UGT1A7: variants seen among roughly 807,000 people sequenced by gnomAD.
UGT1A7 encodes the protein UDP glucuronosyltransferase family 1 member A7.
A neutral mutation model predicts 45.6 loss-of-function variants in UGT1A7; 33 were observed. The observed-to-expected ratio is 0.72, with a 90% CI of 0.55 to 0.97. UGT1A7 has a LOEUF of 0.97. UGT1A7 is among the 50% of genes least tolerant of loss of function. The pLI, the probability that UGT1A7 is intolerant of heterozygous loss-of-function variation, is 0.00. For missense variants in UGT1A7, 684 were observed against 666.2 expected (o/e 1.03, Z -0.29); for synonymous variants, 274 against 250.6 (o/e 1.09, Z -0.88).
At chr2:233,690,017 C>A (rs2074971660) in intron 1 of UGT1A7, 1 of 439,614 alleles carries the variant, frequency 2.3e-6, no homozygotes, top group Non-Finnish European at 4.5e-6. Context: ...CATTTTGGAC[C>A]TTCCTCAAGA....
chr2:233,727,791 C>T (rs1410826393), intron 1 of UGT1A7, among the ~76,000 whole-genome samples: 1 of 152,234 alleles, frequency 6.6e-6, no homozygotes, highest in Non-Finnish European at 1.5e-5. Flanking sequence ...CTTCCATTCA[C>T]TGCCTGTCCC....
chr2:233,725,192 A>G lies in UGT1A7; in HGVS notation c.856-41842A>G, dbSNP rs1239126007. On this transcript the variant is annotated intron_variant, in intron 1 of 4. Coordinates refer to ENST00000373426, the MANE Select transcript of UGT1A7 (RefSeq NM_019077.3). ...GGAGACCGTGGGGAGAGGCAGAGGC[A>G]GAGGCAGAGGCAGAGGCAGAGGCAG... is the stretch of plus-strand genomic sequence containing the variant. Among the ~76,000 whole-genome samples, 60 of 84,600 alleles carry G rather than the reference A, an allele frequency of 7.1e-4. 1 individual carries two copies. The highest frequency in any genetic ancestry group is 0.011 in the Middle Eastern group (2 of 180). The allele number at this position is 84,600 out of a possible 152,430, so 55.5% of individuals were successfully genotyped here.
chr2:233,771,369 G>A (rs987787590), intron 4 of UGT1A7: 2 of 151,684 alleles, frequency 1.3e-5, no homozygotes, highest in African/African-American at 4.8e-5. Flanking sequence ...CACCTAACCC[G>A]TTTTGGATTG....
intron 1 of UGT1A7, among the ~76,000 whole-genome samples, chr2:233,757,279 A>C (rs1159492481): frequency 7.8e-6 from 1 of 127,878 alleles, no homozygotes; most frequent in Non-Finnish European, 1.6e-5. Flanking sequence ...GCAATGATTC[A>C]GAAGGGACAG....
chr2:233,699,054 A>T (rs561736764), intron 1 of UGT1A7, among the ~76,000 whole-genome samples: 1 of 152,280 alleles, frequency 6.6e-6, no homozygotes, highest in East Asian at 1.9e-4. Flanking sequence ...GAAACAACTT[A>T]TCCCAGCCCT....
intron 1 of UGT1A7, chr2:233,747,605 A>G: frequency 6.4e-7 from 1 of 1,574,152 alleles, no homozygotes; most frequent in Non-Finnish European, 8.7e-7. Context: ...GTGTGGAGCT[A>G]CTGCATAATG....
intron 1 of UGT1A7, chr2:233,743,836 C>T (rs62191918): frequency 0.07 from 95,512 of 1,367,130 alleles, 4,650 homozygotes; most frequent in East Asian, 0.2. Context: ...GCCACTTGAG[C>T]GCCAGCTTGC....
intron 1 of UGT1A7, chr2:233,717,680 G>T: frequency 2.3e-6 from 1 of 437,998 alleles, no homozygotes; most frequent in Admixed American, 2.4e-5. Context: ...GCGAGCACAT[G>T]TAGGAGTGAC....
intron 1 of UGT1A7, chr2:233,717,944 C>T (rs897150817): frequency 6.0e-5 from 27 of 453,468 alleles, no homozygotes; most frequent in African/African-American, 3.6e-4. Context: ...TCTATGCAGA[C>T]TTGCAGAAGA....
chr2:233,720,665 C>T (rs2076879709), intron 1 of UGT1A7, among the ~76,000 whole-genome samples: 1 of 151,682 alleles, frequency 6.6e-6, no homozygotes, highest in South Asian at 2.1e-4. Flanking sequence ...AATTCACACA[C>T]CAATGAATTT....
At chr2:233,766,970 TACTG>T in intron 1 of UGT1A7, 60 bp from the exon 2 acceptor site, 8 of 1,610,026 alleles carry the variant, frequency 5.0e-6, no homozygotes, top group Non-Finnish European at 6.8e-6. Flanking sequence ...ATTCATAACT[TACTG>T]TATGTAGTCA....
At chr2:233,693,129 T>A (rs1392316914) in intron 1 of UGT1A7, 1 of 1,614,192 alleles carries the variant, frequency 6.2e-7, no homozygotes, top group East Asian at 2.2e-5. Context: ...TGGCTTAGTA[T>A]GAAGGATATA....
At chr2:233,688,000 T>G (rs2074873432) in intron 1 of UGT1A7, among the ~76,000 whole-genome samples, 1 of 152,242 alleles carries the variant, frequency 6.6e-6, no homozygotes, top group African/African-American at 2.4e-5. Flanking sequence ...TTCTGTGTGC[T>G]CCCAGATACA....
At chr2:233,711,815 G>A (rs1445838200) in intron 1 of UGT1A7, among the ~76,000 whole-genome samples, 1 of 152,182 alleles carries the variant, frequency 6.6e-6, no homozygotes, top group East Asian at 1.9e-4. Flanking sequence ...ATCATCCTGG[G>A]GCGACCAGGA....
chr2:233,767,992 C>T, intron 3 of UGT1A7, 56 bp downstream of exon 3: 1 of 1,614,084 alleles, frequency 6.2e-7, no homozygotes, highest in South Asian at 1.1e-5. Flanking sequence ...AAGAAAATGG[C>T]TTAAGCACAG....
rs1187391866 is a variant in UGT1A7 at position 233,724,541 on chromosome 2, C to T, written c.855+41749C>T. Among the ~76,000 whole-genome samples the T allele has an allele frequency of 2.0e-4, 24 of 122,440 alleles. 1 individual carries two copies. Among genetic ancestry groups the T allele is most frequent in the Admixed American group, 1.0e-3 (13 of 12,646 alleles). 80.3% of individuals were successfully genotyped at this position (122,440 alleles called of 152,430 possible). On this transcript the variant is annotated intron_variant, in intron 1 of 4. Transcript: ENST00000373426. ...CAGATGGGGTCTCGCCGGGCAGAGG[C>T]GCTCCTCACATCCCAGATGGGGCGG... is the stretch of plus-strand genomic sequence containing the variant.
intron 1 of UGT1A7, among the ~76,000 whole-genome samples, chr2:233,696,839 C>T (rs1177770850): frequency 6.6e-6 from 1 of 152,168 alleles, no homozygotes. Flanking sequence ...CATAAAGGGA[C>T]GTTGAATTTT....
intron 1 of UGT1A7, among the ~76,000 whole-genome samples, chr2:233,702,348 A>T (rs2075682306): frequency 6.6e-6 from 1 of 152,082 alleles, no homozygotes; most frequent in Non-Finnish European, 1.5e-5. Flanking sequence ...TTGTTCTAAT[A>T]GTTTTTTTTT....
chr2:233,762,200 T>G (rs1698000508), intron 1 of UGT1A7, among the ~76,000 whole-genome samples: 1 of 152,188 alleles, frequency 6.6e-6, no homozygotes, highest in African/African-American at 2.4e-5. Flanking sequence ...TGGGTCTGCA[T>G]GTATTTGGCG....
Sources: allele counts gnomAD v4.1 joint callset (sites outside exome capture counted in the v4.1 genomes callset), GRCh38; gene constraint gnomAD v4.1.1; transcripts MANE v1.5; gene names NCBI Gene and HGNC (gene_info 2026-07-23, HGNC 2026-07-21).